The following CA10 variants were observed in gnomAD, a reference collection of about 807,000 sequenced individuals.
CA10 encodes the protein carbonic anhydrase-related protein 10.
A neutral mutation model predicts 44.2 loss-of-function variants in CA10; 14 were observed. That is an observed-to-expected ratio of 0.32 (90% CI 0.21 to 0.50). The LOEUF (loss-of-function observed/expected upper bound fraction) is 0.50, where lower values mean the gene tolerates loss of function less well. Ranked by LOEUF, CA10 falls within the 20% of genes least tolerant of loss-of-function variation. The probability of loss-of-function intolerance (pLI) is 0.99; values close to 1 mark genes in which losing one functional copy is unlikely to be tolerated. For missense variants in CA10, 350 were observed against 409.7 expected (o/e 0.85, Z 1.26); for synonymous variants, 159 against 141.6 (o/e 1.12, Z -0.87).
chr17:51,708,808 C>G (rs1223150631), intron 4 of CA10, among the ~76,000 whole-genome samples: 1 of 152,188 alleles, frequency 6.6e-6, no homozygotes, highest in African/African-American at 2.4e-5. Context: ...TGCTTCCTGC[C>G]CTTGAACGGC....
intron 5 of CA10, among the ~76,000 whole-genome samples, chr17:51,653,000 A>G (rs1301553375): frequency 1.2e-5 from 1 of 84,394 alleles, no homozygotes; most frequent in Non-Finnish European, 2.8e-5. Flanking sequence ...AAAGGTAATT[A>G]GTATTTTTTT....
chr17:52,112,067 T>G lies in CA10; in HGVS notation c.62-39674A>C, dbSNP rs74956381. On this transcript the variant is annotated intron_variant, in intron 1 of 8. Transcript: ENST00000451037. ...TCATGAAGTCAAGGAAATGAATGCC[T>G]AAAGACTAGTTGTTGAATTTCAGAA... 2.2e-3 allele frequency among the ~76,000 whole-genome samples: 328 copies of G among 152,168 alleles called. 1 individual carries two copies. Among genetic ancestry groups the G allele is most frequent in the African/African-American group, 7.6e-3 (314 of 41,520 alleles).
chr17:51,830,204 A>AG (rs1315524152), intron 3 of CA10, among the ~76,000 whole-genome samples: 1 of 151,340 alleles, frequency 6.6e-6, no homozygotes, highest in East Asian at 1.9e-4. Context: ...TCAAAAAAAA[A>AG]AAAAAAAAAA....
intron 2 of CA10, among the ~76,000 whole-genome samples, chr17:52,016,594 G>A (rs935907989): frequency 1.3e-5 from 2 of 152,034 alleles, no homozygotes; most frequent in Non-Finnish European, 2.9e-5. Context: ...TTCTCACTCT[G>A]AGTGCATGTG....
At chr17:51,886,000 C>A (rs1046138145) in intron 3 of CA10, among the ~76,000 whole-genome samples, 1 of 152,122 alleles carries the variant, frequency 6.6e-6, no homozygotes, top group African/African-American at 2.4e-5. Context: ...CAAAAGCCTT[C>A]GAGAAAAGGC....
At chr17:51,799,513 G>C (rs1482014152) in intron 3 of CA10, among the ~76,000 whole-genome samples, 1 of 152,002 alleles carries the variant, frequency 6.6e-6, no homozygotes, top group African/African-American at 2.4e-5. Context: ...GACTCCCCTG[G>C]GTACAATATC....
In CA10 at chr17:51,636,346, G is replaced by A. The variant is rs143330148; in HGVS notation, c.635-337C>T. Among the ~76,000 whole-genome samples, 18 of 152,258 alleles carry A rather than the reference G, an allele frequency of 1.2e-4. No individual in the cohort carries two copies. The South Asian group carries it at 2.1e-3, about 18-fold the overall frequency. Reference sequence around the variant, plus strand: ...GAGCAGTAAACACCTGGACCTGTGCGGATCACAGTGACAGAAGCGAAAGCA... The same window carrying A: ...GAGCAGTAAACACCTGGACCTGTGCAGATCACAGTGACAGAAGCGAAAGCA... On this transcript the variant is annotated intron_variant, in intron 6 of 8. Transcript: ENST00000451037.
At chr17:51,737,559 T>C (rs974510665) in intron 4 of CA10, among the ~76,000 whole-genome samples, 6 of 152,108 alleles carry the variant, frequency 3.9e-5, no homozygotes, top group South Asian at 2.1e-4. Flanking sequence ...CCAGCACAAT[T>C]AGCTCCATCT....
In CA10 at chr17:51,931,060, T is replaced by C. The variant is rs1982639982; in HGVS notation, c.209A>G (p.Asn70Ser). 1.2e-6 allele frequency: 2 copies of C among 1,613,720 alleles called. No individual in the cohort carries two copies. Among genetic ancestry groups the C allele is most frequent in the Non-Finnish European group, 1.7e-6 (2 of 1,179,720 alleles). The change falls in exon 3 of 9, where the codon AAC becomes AGC. Residue 70 changes from asparagine (N) to serine (S), a missense_variant. Coordinates refer to ENST00000451037, the MANE Select transcript of CA10 (RefSeq NM_020178.5). ...CSVGKRQSPVNIETSHMIFDP... is the reference protein window; with the variant it reads ...CSVGKRQSPVSIETSHMIFDP... Reference sequence around the variant, plus strand: ...GAAGATCATGTGACTGGTCTCTATGTTGACTGGCGACTGCCGTTTCCCCAC... The same window carrying C: ...GAAGATCATGTGACTGGTCTCTATGCTGACTGGCGACTGCCGTTTCCCCAC...
At chr17:51,669,045 A>G (rs796769981) in intron 4 of CA10, among the ~76,000 whole-genome samples, 11 of 152,264 alleles carry the variant, frequency 7.2e-5, no homozygotes, top group African/African-American at 2.6e-4. Context: ...GCCATGCCCA[A>G]GACCCTGCAA....
At chr17:51,744,132 C>A (rs1445982590) in intron 4 of CA10, among the ~76,000 whole-genome samples, 1 of 151,918 alleles carries the variant, frequency 6.6e-6, no homozygotes, top group Non-Finnish European at 1.5e-5. Flanking sequence ...CCAGCCTGGC[C>A]AACATAGTGA....
chr17:51,832,644 C>T (rs1416967228), intron 3 of CA10, among the ~76,000 whole-genome samples: 3 of 152,170 alleles, frequency 2.0e-5, no homozygotes, highest in Admixed American at 6.5e-5. Context: ...AGCAGATTGC[C>T]TGATGACCAT....
intron 1 of CA10, among the ~76,000 whole-genome samples, chr17:52,155,158 A>T (rs1386468382): frequency 6.6e-6 from 1 of 152,244 alleles, no homozygotes; most frequent in East Asian, 1.9e-4. Flanking sequence ...TCAATAATGA[A>T]GCCAACTCTA....
chr17:51,716,301 G>A (rs913550538), intron 4 of CA10, among the ~76,000 whole-genome samples: 16 of 152,128 alleles, frequency 1.1e-4, no homozygotes, highest in South Asian at 8.3e-4. Flanking sequence ...GGGGAATTGG[G>A]TTGGGATGGA....
intron 2 of CA10, among the ~76,000 whole-genome samples, chr17:52,067,882 T>C (rs1987577526): frequency 6.6e-6 from 1 of 152,256 alleles, no homozygotes; most frequent in Non-Finnish European, 1.5e-5. Flanking sequence ...TGCCTGTACC[T>C]GCATTGTATC....
intron 2 of CA10, among the ~76,000 whole-genome samples, chr17:52,033,845 T>C (rs1986539636): frequency 6.6e-6 from 1 of 152,216 alleles, no homozygotes; most frequent in Non-Finnish European, 1.5e-5. Context: ...TAAGAGATTA[T>C]TCAGCTTTTA....
intron 2 of CA10, among the ~76,000 whole-genome samples, chr17:51,937,385 TG>T (rs1389749385): frequency 1.3e-5 from 2 of 152,148 alleles, no homozygotes; most frequent in Non-Finnish European, 2.9e-5. Flanking sequence ...GCTTTTGGTC[TG>T]TTTCTGATTT....
intron 2 of CA10, among the ~76,000 whole-genome samples, chr17:52,003,458 C>T (rs1029826315): frequency 6.6e-6 from 1 of 151,930 alleles, no homozygotes; most frequent in African/African-American, 2.4e-5. Flanking sequence ...AGGGGCTGTG[C>T]TCACTGTTTC....
chr17:51,639,278 A>G lies in CA10; in HGVS notation c.635-3269T>C, dbSNP rs1216032032. Among the ~76,000 whole-genome samples the G allele has an allele frequency of 2.0e-5, 3 of 152,292 alleles. No individual in the cohort carries two copies. In the East Asian group the frequency reaches 5.8e-4, roughly 29 times the overall value. Reference sequence around the variant, plus strand: ...ACATTGGGTACTCTAGCATGCTGTTATTATTGCATTTTATTTTATTCGGGG... The same window carrying G: ...ACATTGGGTACTCTAGCATGCTGTTGTTATTGCATTTTATTTTATTCGGGG... On this transcript the variant is annotated intron_variant, in intron 6 of 8. Transcript: ENST00000451037.
Sources: allele counts gnomAD v4.1 joint callset (sites outside exome capture counted in the v4.1 genomes callset), GRCh38; gene constraint gnomAD v4.1.1; transcripts MANE v1.5; gene names NCBI Gene and HGNC (gene_info 2026-07-23, HGNC 2026-07-21).